PCNX2: variants seen among roughly 807,000 people sequenced by gnomAD.
The protein encoded by PCNX2 is pecanex-like protein 2.
PCNX2 carries 168 observed loss-of-function variants against 223.8 expected under a neutral mutation model. The observed-to-expected ratio is 0.75, with a 90% CI of 0.66 to 0.85. PCNX2 has a LOEUF of 0.85. Among genes scored for constraint, PCNX2 ranks in the 40% least tolerant of loss-of-function variants. PCNX2 has a pLI of 0.00. For missense variants in PCNX2, 2,507 were observed against 2,675.5 expected (o/e 0.94, Z 1.39); for synonymous variants, 1,006 against 1,052.6 (o/e 0.96, Z 0.86).
chr1:233,185,906 T>C (rs1680069648), intron 15 of PCNX2, among the ~76,000 whole-genome samples: 1 of 152,180 alleles, frequency 6.6e-6, no homozygotes, highest in African/African-American at 2.4e-5. Flanking sequence ...GGTTTTGAAA[T>C]ATTTTTATGA....
At chr1:233,272,060 C>A (rs112694643) in intron 1 of PCNX2, among the ~76,000 whole-genome samples, 3,755 of 152,070 alleles carry the variant, frequency 0.025, 159 homozygotes, top group African/African-American at 0.086. Context: ...ATTGGAAAAA[C>A]CCTTCTAGAC....
rs2102781336 is a variant in PCNX2 at position 232,990,800 on chromosome 1, A to G, written c.5792-4260T>C. Reference sequence around the variant, plus strand: ...TGTGCTGGGTTCCCAGGACTCCAGAACTCCCTGCCCCAAACTGGGGCCTGC... The same window carrying G: ...TGTGCTGGGTTCCCAGGACTCCAGAGCTCCCTGCCCCAAACTGGGGCCTGC... On this transcript the variant is annotated intron_variant, in intron 32 of 33. Transcript: ENST00000258229. The surrounding 1 kb of genome is among the most constrained non-coding windows in gnomAD (Gnocchi z 4.3). Among the ~76,000 whole-genome samples the G allele has an allele frequency of 6.6e-6, 1 of 151,874 alleles. No individual in the cohort carries two copies. The highest frequency in any genetic ancestry group is 2.1e-4 in the South Asian group (1 of 4,796).
At chr1:233,142,975 T>C (rs973821795) in intron 19 of PCNX2, among the ~76,000 whole-genome samples, 2 of 152,190 alleles carry the variant, frequency 1.3e-5, no homozygotes, top group Non-Finnish European at 2.9e-5. Flanking sequence ...TTTTCTTATC[T>C]TCTTGAGCTA....
chr1:233,195,198 C>T (rs959872083), intron 15 of PCNX2, among the ~76,000 whole-genome samples: 2 of 151,950 alleles, frequency 1.3e-5, no homozygotes, highest in Admixed American at 6.6e-5. Flanking sequence ...TTCTTCCTAA[C>T]AATTGCTTTA....
chr1:233,118,198 A>G (rs1320672598), intron 21 of PCNX2, among the ~76,000 whole-genome samples: 1 of 152,122 alleles, frequency 6.6e-6, no homozygotes, highest in Non-Finnish European at 1.5e-5. Context: ...CATTATGTAA[A>G]AATGCTTAGA....
At chr1:233,222,194 T>G (rs927085904) in intron 10 of PCNX2, among the ~76,000 whole-genome samples, 1 of 152,048 alleles carries the variant, frequency 6.6e-6, no homozygotes, top group African/African-American at 2.4e-5. Context: ...CTGGCATGCT[T>G]GAAAGACAAA....
chr1:233,130,465 T>TGTGTGTGTG (rs1553296590), intron 21 of PCNX2, among the ~76,000 whole-genome samples: 3 of 136,470 alleles, frequency 2.2e-5, no homozygotes, highest in East Asian at 2.2e-4. Flanking sequence ...CCCCCAACTT[T>TGTGTGTGTG]TGTGTGTGTG....
In PCNX2 at chr1:233,253,067, G is replaced by A. The variant is rs80157717; in HGVS notation, c.1835-279C>T. ...TTGAGGGACTCCCTTGAAATAACTC[G>A]GTGACCATACATGTGCCCAGCTGGA... is the stretch of plus-strand genomic sequence containing the variant. On this transcript the variant is annotated intron_variant, in intron 5 of 33. Transcript: ENST00000258229. This position sits in a 1 kb window ranked among gnomAD's most constrained non-coding sequence, Gnocchi z 4.2. Among the ~76,000 whole-genome samples the A allele has an allele frequency of 7.4e-3, 1,132 of 152,144 alleles. 9 individuals are homozygous for A. The highest frequency in any genetic ancestry group is 0.023 in the South Asian group (111 of 4,820).
intron 25 of PCNX2, among the ~76,000 whole-genome samples, chr1:233,044,328 G>T (rs938034762): frequency 2.0e-5 from 3 of 152,116 alleles, no homozygotes; most frequent in African/African-American, 7.2e-5. Context: ...AGATGAGTAG[G>T]TTGCAAAAAT....
intron 8 of PCNX2, among the ~76,000 whole-genome samples, chr1:233,237,538 A>C (rs977545061): frequency 6.6e-6 from 1 of 152,214 alleles, no homozygotes; most frequent in Non-Finnish European, 1.5e-5. Context: ...TTAACCACAC[A>C]CAGATTGACA....
intron 28 of PCNX2, 119 bp downstream of exon 28, chr1:233,014,546 T>C (rs757615299): frequency 9.8e-6 from 7 of 716,528 alleles, no homozygotes; most frequent in Non-Finnish European, 1.7e-5. Context: ...TGAAAAGAAC[T>C]ATCTGAAAGT....
chr1:233,145,528 T>C (rs1386494920), intron 19 of PCNX2, among the ~76,000 whole-genome samples: 1 of 152,124 alleles, frequency 6.6e-6, no homozygotes, highest in Non-Finnish European at 1.5e-5. Flanking sequence ...CTAGATGCTT[T>C]CCTGGAATGA....
At chr1:233,110,304 A>G (rs1229483153) in intron 21 of PCNX2, among the ~76,000 whole-genome samples, 2 of 152,244 alleles carry the variant, frequency 1.3e-5, no homozygotes, top group African/African-American at 4.8e-5. Flanking sequence ...AACAAAGGTA[A>G]GCCTTGCAGA....
chr1:233,204,420 G>C lies in PCNX2; in HGVS notation c.2863+4098C>G, dbSNP rs140236897. ...TTACAGCGGCTCTAGGAAGTATTAC[G>C]CTTCCTAGAGCTGTACACTTCTTTT... On this transcript the variant is annotated intron_variant, in intron 13 of 33. Transcript: ENST00000258229. 6.4e-3 allele frequency among the ~76,000 whole-genome samples: 978 copies of C among 152,216 alleles called. 13 individuals are homozygous for C. The highest frequency in any genetic ancestry group is 0.035 in the Admixed American group (538 of 15,292).
At chr1:233,062,504 A>G (rs1672443352) in intron 23 of PCNX2, among the ~76,000 whole-genome samples, 1 of 152,072 alleles carries the variant, frequency 6.6e-6, no homozygotes, top group Non-Finnish European at 1.5e-5. Context: ...TTATATTTTC[A>G]TTGTGAATTT....
rs1183898552 is a variant in PCNX2 at position 233,263,173 on chromosome 1, G to A, written c.154-10C>T. On this transcript the variant is annotated splice_polypyrimidine_tract_variant and intron_variant, in intron 1 of 33. Transcript: ENST00000258229. Reference sequence around the variant, plus strand: ...CATTTGGAGGAAAAGCCTGAAGAAAGGAAAAGACAGAGAAAAATCATTTGC... The same window carrying A: ...CATTTGGAGGAAAAGCCTGAAGAAAAGAAAAGACAGAGAAAAATCATTTGC... 1 of 1,244,950 alleles carries A rather than the reference G, an allele frequency of 8.0e-7. No homozygotes were observed. The highest frequency in any genetic ancestry group is 1.7e-5 in the South Asian group (1 of 59,280). 77.1% of individuals were successfully genotyped at this position (1,244,950 alleles called of 1,614,324 possible). A position where few individuals can be genotyped will look rare whatever the true frequency, so the allele number is the denominator to read the frequency against.
chr1:232,986,869 G>C (rs74549848), intron 32 of PCNX2, among the ~76,000 whole-genome samples: 5,750 of 152,302 alleles, frequency 0.038, 232 homozygotes, highest in African/African-American at 0.099. Context: ...AGTCCCACAT[G>C]CCTGGAAGCT....
chr1:233,036,435 G>C (rs1299350690), intron 25 of PCNX2, among the ~76,000 whole-genome samples: 4 of 152,128 alleles, frequency 2.6e-5, no homozygotes, highest in Non-Finnish European at 5.9e-5. Flanking sequence ...TTCAAGACCA[G>C]CCTGGCCAAC....
In PCNX2 at chr1:233,001,211, G is replaced by A. The variant is rs1670072121; in HGVS notation, c.5097+326C>T. On this transcript the variant is annotated intron_variant, in intron 29 of 33. Transcript: ENST00000258229. The surrounding 1 kb of genome is among the most constrained non-coding windows in gnomAD (Gnocchi z 4.2). The stretch of plus-strand genomic sequence containing the variant: ...AAAAATAGGTTTGGCCAGGTGCAGT[G>A]GCTCACGCCTGTAATCCCAGCACTT... 6.6e-6 allele frequency among the ~76,000 whole-genome samples: 1 copy of A among 152,146 alleles called. No individual in the cohort carries two copies. Among genetic ancestry groups the A allele is most frequent in the South Asian group, 2.1e-4 (1 of 4,830 alleles).
Sources: gnomAD v4.1 joint callset for allele counts (sites outside exome capture counted in the v4.1 genomes callset) on GRCh38, gnomAD v4.1.1 for gene constraint, Gnocchi (gnomAD v3.1) non-coding constraint, MANE v1.5 for transcripts, NCBI Gene and HGNC (gene_info 2026-07-23, HGNC 2026-07-21) for gene names.